Variants in FAM168A observed in about 807,000 individuals in gnomAD.
FAM168A encodes family with sequence similarity 168 member A.
In FAM168A, 3 loss-of-function variants were observed where a neutral mutation model predicts 28.5. The ratio of observed to expected loss-of-function variants is 0.11; its 90% CI spans 0.05 to 0.27. The LOEUF (loss-of-function observed/expected upper bound fraction) is 0.27. Ranked by LOEUF, FAM168A falls within the 10% of genes least tolerant of loss-of-function variation. The pLI is 1.00. For missense variants in FAM168A, 222 were observed against 311.5 expected (o/e 0.71, Z 2.16); for synonymous variants, 122 against 124.2 (o/e 0.98, Z 0.12).
intron 1 of FAM168A, among the ~76,000 whole-genome samples, chr11:73,507,893 T>A (rs1157373369): frequency 6.6e-6 from 1 of 152,106 alleles, no homozygotes; most frequent in African/African-American, 2.4e-5. Flanking sequence ...TATGTGTAGA[T>A]CTGGGTATTC....
intron 4 of FAM168A, among the ~76,000 whole-genome samples, chr11:73,416,512 C>T (rs1866697376): frequency 6.6e-6 from 1 of 152,222 alleles, no homozygotes; most frequent in Non-Finnish European, 1.5e-5. Context: ...TAATTACAAA[C>T]AGGCTTAGCA....
At chr11:73,496,162 A>G (rs894523597) in intron 1 of FAM168A, among the ~76,000 whole-genome samples, 1 of 152,240 alleles carries the variant, frequency 6.6e-6, no homozygotes, top group Non-Finnish European at 1.5e-5. Flanking sequence ...CCTGCTGTAT[A>G]CTACAATATG....
intron 1 of FAM168A, among the ~76,000 whole-genome samples, chr11:73,502,019 T>G (rs566130168): frequency 2.0e-5 from 3 of 149,500 alleles, no homozygotes; most frequent in Non-Finnish European, 4.4e-5. Flanking sequence ...GAGAACGGCA[T>G]GAACCCCGGA....
chr11:73,452,601 G>A (rs888425206), intron 2 of FAM168A, among the ~76,000 whole-genome samples: 1 of 152,092 alleles, frequency 6.6e-6, no homozygotes, highest in African/African-American at 2.4e-5. Flanking sequence ...TTCTCCATAG[G>A]ACCCTGGTGT....
intron 2 of FAM168A, among the ~76,000 whole-genome samples, chr11:73,451,178 G>C (rs1375578015): frequency 1.3e-5 from 2 of 152,174 alleles, no homozygotes; most frequent in Non-Finnish European, 2.9e-5. Flanking sequence ...GGCTGTCTGG[G>C]AAGAAGGTGA....
At chr11:73,432,166 G>A (rs910696013) in intron 2 of FAM168A, among the ~76,000 whole-genome samples, 3 of 151,960 alleles carry the variant, frequency 2.0e-5, no homozygotes, top group South Asian at 4.1e-4. Flanking sequence ...TTCTTTATCC[G>A]TTCATCTGTT....
At chr11:73,518,557 TG>T (rs71065012) in intron 1 of FAM168A, among the ~76,000 whole-genome samples, 1 of 150,990 alleles carries the variant, frequency 6.6e-6, no homozygotes, top group African/African-American at 2.4e-5. Context: ...GGAATTGTGG[TG>T]GGGGAAAAGT....
chr11:73,576,928 C>T (rs1328345201), intron 1 of FAM168A, among the ~76,000 whole-genome samples: 1 of 149,874 alleles, frequency 6.7e-6, no homozygotes, highest in Admixed American at 6.6e-5. Flanking sequence ...AGTACAAAAG[C>T]AAAGCATAGG....
At chr11:73,471,429 G>A (rs1867812401) in intron 1 of FAM168A, among the ~76,000 whole-genome samples, 1 of 151,966 alleles carries the variant, frequency 6.6e-6, no homozygotes, top group Non-Finnish European at 1.5e-5. Context: ...CCTCTTTTAG[G>A]TATATAGTTC....
chr11:73,541,751 A>G (rs558764972), intron 1 of FAM168A, among the ~76,000 whole-genome samples: 2 of 152,330 alleles, frequency 1.3e-5, no homozygotes, highest in African/African-American at 4.8e-5. Context: ...ATTAAATGAG[A>G]TAAACTTATG....
chr11:73,544,867 A>ATATTATATATAAAATATAAAATATATTAT (rs1943712224), intron 1 of FAM168A, among the ~76,000 whole-genome samples: 1 of 95,870 alleles, frequency 1.0e-5, no homozygotes, highest in African/African-American at 5.2e-5. Context: ...TATAATATAT[A>ATATTATATATAAAATATAAAATATATTAT]ATTATATATA....
chr11:73,422,938 C>T (rs978531892), intron 3 of FAM168A, among the ~76,000 whole-genome samples: 2 of 152,158 alleles, frequency 1.3e-5, no homozygotes, highest in African/African-American at 4.8e-5. Context: ...AGCACACTTA[C>T]AAGGAGACGA....
chr11:73,482,206 T>TA (rs869127283), intron 1 of FAM168A, among the ~76,000 whole-genome samples: 11 of 139,188 alleles, frequency 7.9e-5, no homozygotes, highest in African/African-American at 2.7e-4. Context: ...TTTTTTTTTT[T>TA]AAAGGGGGAG....
chr11:73,499,691 G>T (rs1469174420), intron 1 of FAM168A, among the ~76,000 whole-genome samples: 1 of 152,072 alleles, frequency 6.6e-6, no homozygotes, highest in Non-Finnish European at 1.5e-5. Context: ...ACCACCTGAT[G>T]GAGCTGAAAA....
intron 3 of FAM168A, among the ~76,000 whole-genome samples, chr11:73,426,206 A>G (rs957609610): frequency 1.3e-5 from 2 of 152,194 alleles, no homozygotes; most frequent in Non-Finnish European, 2.9e-5. Flanking sequence ...TTCAAGCCAG[A>G]TTACCATTAA....
At chr11:73,419,730 G>T in intron 4 of FAM168A, 144 bp downstream of exon 4, 1 of 905,144 alleles carries the variant, frequency 1.1e-6, no homozygotes, top group Non-Finnish European at 1.6e-6. Flanking sequence ...ATAAGGAGGG[G>T]TAATTTTTTG....
chr11:73,580,907 AC>A (rs1362690115), intron 1 of FAM168A, among the ~76,000 whole-genome samples: 1 of 152,150 alleles, frequency 6.6e-6, no homozygotes, highest in African/African-American at 2.4e-5. Context: ...TTAAACCCAG[AC>A]ATCTGTTGGG....
chr11:73,557,346 TGA>T (rs1943903060), intron 1 of FAM168A, among the ~76,000 whole-genome samples: 1 of 151,732 alleles, frequency 6.6e-6, no homozygotes, highest in East Asian at 1.9e-4. Context: ...AGGGGAGAAA[TGA>T]GAGTTACTGT....
Position 73,556,295 on chromosome 11 carries a change from G to A in FAM168A, c.-19+41628C>T, listed in dbSNP as rs558026333. Reference sequence around the variant, plus strand: ...GCCTAAGAATTCGAGGTTGCAATAAGCTATGATCGTGCCACTGCAGTCCCT... The same window carrying A: ...GCCTAAGAATTCGAGGTTGCAATAAACTATGATCGTGCCACTGCAGTCCCT... On this transcript the variant is annotated intron_variant, in intron 1 of 7. Coordinates refer to ENST00000356467, the MANE Select transcript of FAM168A (RefSeq NM_015159.3). Among the ~76,000 whole-genome samples the A allele has an allele frequency of 1.3e-3, 203 of 151,958 alleles. 8 individuals are homozygous for A. In the South Asian group the frequency reaches 0.04, roughly 30 times the overall value.
Sources: allele counts gnomAD v4.1 joint callset (sites outside exome capture counted in the v4.1 genomes callset), GRCh38; gene constraint gnomAD v4.1.1; transcripts MANE v1.5; gene names NCBI Gene and HGNC (gene_info 2026-07-23, HGNC 2026-07-21).